RHPN2: variants seen among roughly 807,000 people sequenced by gnomAD.
The protein encoded by RHPN2 is rhophilin-2.
In RHPN2, 40 loss-of-function variants were observed where a neutral mutation model predicts 79.0. That is an observed-to-expected ratio of 0.51 (90% confidence interval 0.39 to 0.66). RHPN2 has a LOEUF of 0.66. RHPN2 is among the 30% of genes least tolerant of loss of function. RHPN2 has a pLI of 0.00. For missense variants in RHPN2, 686 were observed against 883.5 expected (o/e 0.78, Z 2.83); for synonymous variants, 285 against 363.5 (o/e 0.78, Z 2.46).
At position 32,992,813 on chromosome 19, in the gene RHPN2, T is replaced by TA. The variant is rs56178801; in HGVS notation, c.1498-845dup. On this transcript the variant is annotated intron_variant, in intron 12 of 14. Coordinates refer to ENST00000254260, the MANE Select transcript of RHPN2 (RefSeq NM_033103.5). Reference sequence around the variant, plus strand: ...GTGAAAACAGAGTTAGACCCTGTCTTAAAAAAAAAAAAAAAAAAGGAAAAA... The same window carrying TA: ...GTGAAAACAGAGTTAGACCCTGTCTTAAAAAAAAAAAAAAAAAAAGGAAAAA... 7.2e-3 allele frequency among the ~76,000 whole-genome samples: 857 copies of TA among 119,744 alleles called. 9 individuals carry two copies. Among genetic ancestry groups the TA allele is most frequent in the East Asian group, 0.018 (72 of 4,104 alleles). 78.6% of individuals were successfully genotyped at this position (119,744 alleles called of 152,430 possible).
intron 1 of RHPN2, among the ~76,000 whole-genome samples, chr19:33,046,368 C>T (rs901327100): frequency 6.6e-5 from 10 of 151,960 alleles, no homozygotes; most frequent in Non-Finnish European, 1.3e-4. Context: ...CAGGTTCGAA[C>T]GATTCTCCTG....
chr19:33,021,398 C>T (rs1197598908), intron 4 of RHPN2, among the ~76,000 whole-genome samples, 173 bp downstream of exon 4: 1 of 152,068 alleles, frequency 6.6e-6, no homozygotes, highest in African/African-American at 2.4e-5. Flanking sequence ...ATTCTGTTGC[C>T]CAGCCTGGAG....
intron 4 of RHPN2, among the ~76,000 whole-genome samples, chr19:33,021,305 T>C (rs1971921877): frequency 6.6e-6 from 1 of 152,210 alleles, no homozygotes. Context: ...CAACTGACTC[T>C]GCCTGTTGAG....
At chr19:33,034,079 A>C (rs1292374992) in intron 2 of RHPN2, among the ~76,000 whole-genome samples, 1 of 151,502 alleles carries the variant, frequency 6.6e-6, no homozygotes, top group East Asian at 2.0e-4. Context: ...GCTGGTCTCA[A>C]ACTGCTAAGA....
At chr19:32,992,180 T>C in intron 12 of RHPN2, 1 of 591,620 alleles carries the variant, frequency 1.7e-6, no homozygotes, top group Non-Finnish European at 3.1e-6. Context: ...AATAAAATTA[T>C]CTTTTAGGCA....
rs549370492 is a variant in RHPN2 at position 32,989,042 on chromosome 19, T to C, written c.1800+1472A>G. On this transcript the variant is annotated intron_variant, in intron 14 of 14. Coordinates refer to ENST00000254260, the MANE Select transcript of RHPN2 (RefSeq NM_033103.5). ...TTACAGAGGGAAGGTCGAGGGTACA[T>C]CATTAAGTGTGGCAAAGTGCAGAGG... Among the ~76,000 whole-genome samples, 1,075 of 152,248 alleles carry C rather than the reference T, an allele frequency of 7.1e-3. 14 individuals carry two copies. Among genetic ancestry groups the C allele is most frequent in the Non-Finnish European group, 6.7e-3 (456 of 68,018 alleles).
chr19:33,064,591 C>G (rs1437263861), intron 1 of RHPN2, among the ~76,000 whole-genome samples, 193 bp downstream of exon 1: 1 of 152,110 alleles, frequency 6.6e-6, no homozygotes, highest in Non-Finnish European at 1.5e-5. Context: ...ATGCCACCTG[C>G]CCGGGACGCC....
At chr19:33,009,019 A>G (rs1483245496) in intron 6 of RHPN2, among the ~76,000 whole-genome samples, 2 of 54,706 alleles carry the variant, frequency 3.7e-5, no homozygotes, top group East Asian at 8.0e-4. Flanking sequence ...GAACATTGCT[A>G]CCTACTGTAT....
At chr19:32,987,796 C>T (rs974496441) in intron 14 of RHPN2, among the ~76,000 whole-genome samples, 39 of 152,170 alleles carry the variant, frequency 2.6e-4, no homozygotes, top group Admixed American at 2.4e-3. Context: ...TTTATGCTTA[C>T]GTCTGACTGC....
intron 3 of RHPN2, among the ~76,000 whole-genome samples, chr19:33,023,407 C>T (rs989575635): frequency 1.4e-5 from 2 of 148,062 alleles, no homozygotes; most frequent in Admixed American, 1.4e-4. Context: ...GCACTCCAGG[C>T]CTGGGCAAAA....
intron 4 of RHPN2, among the ~76,000 whole-genome samples, chr19:33,017,724 A>AG (rs1555712290): frequency 1.2e-4 from 17 of 137,320 alleles, no homozygotes; most frequent in Admixed American, 9.2e-4. Context: ...AAAAAAAAAA[A>AG]AGAGAGAGAG....
At chr19:33,054,686 C>T (rs1448418201) in intron 1 of RHPN2, among the ~76,000 whole-genome samples, 2 of 152,204 alleles carry the variant, frequency 1.3e-5, no homozygotes, top group Non-Finnish European at 2.9e-5. Flanking sequence ...TCTGGCTGAG[C>T]GGTACCTGCA....
At chr19:33,051,718 G>T in intron 1 of RHPN2, 1 of 193,474 alleles carries the variant, frequency 5.2e-6, no homozygotes, top group South Asian at 7.5e-5. Flanking sequence ...GTGAGAAAGT[G>T]GCTGTCTAAA....
At chr19:32,994,127 G>A (rs1433096884) in intron 11 of RHPN2, 74 bp from the exon 12 acceptor site, 2 of 1,112,300 alleles carry the variant, frequency 1.8e-6, no homozygotes, top group African/African-American at 3.1e-5. Context: ...CCAGTGTTGT[G>A]GCTCACGCCT....
intron 2 of RHPN2, among the ~76,000 whole-genome samples, chr19:33,034,808 T>G (rs1262451405): frequency 2.7e-5 from 4 of 146,752 alleles, no homozygotes; most frequent in African/African-American, 7.6e-5. Flanking sequence ...AAAAAAAGAT[T>G]TACAAGAAAG....
intron 1 of RHPN2, 46 bp from the exon 2 acceptor site, chr19:33,044,410 A>G: frequency 8.2e-7 from 1 of 1,214,078 alleles, no homozygotes; most frequent in South Asian, 1.2e-5. Flanking sequence ...GCCACTCTAA[A>G]AATGATGACA....
Position 33,002,313 on chromosome 19 carries a change from C to G in RHPN2, c.1039G>C (p.Val347Leu), listed in dbSNP as rs767959366. 1 of 1,613,792 alleles carries G rather than the reference C, an allele frequency of 6.2e-7. No individual in the cohort carries two copies. The highest frequency in any genetic ancestry group is 1.7e-5 in the Admixed American group (1 of 59,994). The stretch of plus-strand genomic sequence containing the variant: ...AGGGCCGCGTAGTGGTGGGCCTTCA[C>G]GCAGGCTAAGCTGGCCCAGGAGTAG... The part of the protein sequence containing the change: ...IPYSWASLAC[V>L]KAHHYAALAH... The change falls in exon 9 of 15, where the codon GTG becomes CTG. Residue 347 changes from valine to leucine, a missense_variant. By Grantham distance (32) the Val-to-Leu change is conservative (BLOSUM62 1). Coordinates refer to ENST00000254260, the MANE Select transcript of RHPN2 (RefSeq NM_033103.5).
At chr19:33,011,653 C>T (rs554735940) in intron 6 of RHPN2, 26 bp downstream of exon 6, 10 of 1,613,888 alleles carry the variant, frequency 6.2e-6, no homozygotes, top group Admixed American at 5.0e-5. Context: ...ACACGTGAAG[C>T]GCCAGCGCAG....
chr19:33,020,037 G>A (rs1971910869), intron 4 of RHPN2, among the ~76,000 whole-genome samples: 1 of 152,078 alleles, frequency 6.6e-6, no homozygotes, highest in Non-Finnish European at 1.5e-5. Context: ...TCTCTCCTGT[G>A]TTCTCCACTG....
Sources: gnomAD v4.1 joint callset for allele counts (sites outside exome capture counted in the v4.1 genomes callset) on GRCh38, gnomAD v4.1.1 for gene constraint, MANE v1.5 for transcripts, NCBI Gene and HGNC (gene_info 2026-07-23, HGNC 2026-07-21) for gene names.